Variants in TRIM55 observed in about 807,000 individuals in gnomAD.
TRIM55 encodes tripartite motif-containing protein 55.
Under a neutral mutation model 60.9 loss-of-function variants are expected in TRIM55, and 50 were observed. That is an observed-to-expected ratio of 0.82 (90% CI 0.65 to 1.04). TRIM55 has a LOEUF of 1.04. Among genes scored for constraint, TRIM55 ranks in the 50% least tolerant of loss-of-function variants. The pLI is 0.00. For missense variants in TRIM55, 681 were observed against 666.9 expected (o/e 1.02, Z -0.23); for synonymous variants, 237 against 238.1 (o/e 1.00, Z 0.04).
chr8:66,137,044 G>A, intron 3 of TRIM55, 51 bp from the exon 4 acceptor site: 1 of 1,474,342 alleles, frequency 6.8e-7, no homozygotes, highest in Non-Finnish European at 9.4e-7. Context: ...TTCACAGTCG[G>A]GGTGGCTAGG....
At chr8:66,132,989 C>T (rs1368166137) in intron 2 of TRIM55, among the ~76,000 whole-genome samples, 1 of 152,202 alleles carries the variant, frequency 6.6e-6, no homozygotes, top group African/African-American at 2.4e-5. Flanking sequence ...CTGGTCACAG[C>T]TGTTGATATC....
intron 9 of TRIM55, among the ~76,000 whole-genome samples, chr8:66,168,041 T>C (rs1022240990): frequency 1.3e-5 from 2 of 152,198 alleles, no homozygotes; most frequent in South Asian, 2.1e-4. Context: ...TGAGCCATCA[T>C]GCCTGGCCAA....
At chr8:66,115,246 T>C in the TRIM55 span, 1 of 152,226 alleles carries the variant, frequency 6.6e-6, no homozygotes, top group Non-Finnish European at 1.5e-5. Flanking sequence ...TACAACATGG[T>C]ATGGTTTATT....
At chr8:66,119,254 T>C in the TRIM55 span, among the ~76,000 whole-genome samples, 20 of 152,206 alleles carry the variant, frequency 1.3e-4, no homozygotes, top group Non-Finnish European at 2.8e-4. Context: ...CTTTCTACCT[T>C]AGAGGCTGAG....
At chr8:66,155,696 T>G (rs768219670) in intron 9 of TRIM55, 1 of 1,610,180 alleles carries the variant, frequency 6.2e-7, no homozygotes, top group Non-Finnish European at 8.5e-7. Flanking sequence ...CAGTGCTTGA[T>G]TTTTACTTTA....
chr8:66,162,168 T>G (rs1811090001), intron 9 of TRIM55, among the ~76,000 whole-genome samples: 1 of 152,040 alleles, frequency 6.6e-6, no homozygotes, highest in Non-Finnish European at 1.5e-5. Flanking sequence ...TGTAAATGGT[T>G]TTTTATTACC....
chr8:66,134,945 C>T lies in TRIM55; in HGVS notation c.342-45C>T, dbSNP rs62507442. 5.6e-6 allele frequency: 9 copies of T among 1,599,764 alleles called. No individual in the cohort carries two copies. In the East Asian group the frequency reaches 8.9e-5, roughly 16 times the overall value. ...CATCAGCTCTGCCTTGATGAGATTG[C>T]CCCAGTGAGAGCTGATGGACATTTA... On this transcript the variant is annotated intron_variant, in intron 2 of 9. Coordinates refer to ENST00000315962, the MANE Select transcript of TRIM55 (RefSeq NM_184085.2).
intron 9 of TRIM55, among the ~76,000 whole-genome samples, chr8:66,170,258 C>T (rs1811548549): frequency 6.6e-6 from 1 of 152,192 alleles, no homozygotes; most frequent in Non-Finnish European, 1.5e-5. Flanking sequence ...CCTTCCCCAG[C>T]CCCTGGTAAC....
In TRIM55 at chr8:66,149,825, G is replaced by T. The variant is rs751272504; in HGVS notation, c.784G>T (p.Val262Phe). 2 of 1,614,186 alleles carry T rather than the reference G, an allele frequency of 1.2e-6. No homozygotes were observed. Among genetic ancestry groups the T allele is most frequent in the South Asian group, 2.2e-5 (2 of 91,082 alleles). Residue 262 changes from valine to phenylalanine, a missense_variant, in exon 5 of 10, where the codon GTT becomes TTT. Transcript: ENST00000315962. ...SDHLENVSKL[V>F]ESGIQFMDEP... ...TCATTTGGAGAACGTCTCAAAGTTGGTTGAGTCAGGAATTCAGTTTATGGA... is the reference window on the plus strand; with the variant it reads ...TCATTTGGAGAACGTCTCAAAGTTGTTTGAGTCAGGAATTCAGTTTATGGA...
chr8:66,128,596 A>C, intron 2 of TRIM55, 120 bp downstream of exon 2: 2 of 1,146,634 alleles, frequency 1.7e-6, no homozygotes, highest in South Asian at 3.2e-5. Context: ...TTATGGAAAA[A>C]TGGTTTTCCA....
the TRIM55 span, among the ~76,000 whole-genome samples, chr8:66,120,168 A>G: frequency 2.6e-5 from 4 of 152,166 alleles, no homozygotes; most frequent in South Asian, 8.3e-4. Flanking sequence ...ATGGGTATTC[A>G]GTACATATTT....
At chr8:66,147,562 C>T (rs138630659) in intron 4 of TRIM55, among the ~76,000 whole-genome samples, 12,475 of 151,746 alleles carry the variant, frequency 0.082, 837 homozygotes, top group African/African-American at 0.18. Flanking sequence ...TTTGGGAGGC[C>T]GAGGCGGGTG....
intron 9 of TRIM55, among the ~76,000 whole-genome samples, chr8:66,158,731 TAG>T (rs766698196): frequency 7.2e-5 from 11 of 152,378 alleles, no homozygotes; most frequent in African/African-American, 2.6e-4. Flanking sequence ...CTCAGTGAGT[TAG>T]AGAGTCCATT....
chr8:66,158,053 T>A (rs1382192306), intron 9 of TRIM55, among the ~76,000 whole-genome samples: 1 of 151,888 alleles, frequency 6.6e-6, no homozygotes, highest in Non-Finnish European at 1.5e-5. Context: ...TTCTACAGGA[T>A]CTCTATTTGG....
At position 66,127,360 on chromosome 8, in the gene TRIM55, A is replaced by T; in HGVS notation, c.92A>T (p.Glu31Val). ...CAACTCATCTGTCCCATCTGCTTAGAGATGTTCACGAAACCTGTGGTGATT... is the reference window on the plus strand; with the variant it reads ...CAACTCATCTGTCCCATCTGCTTAGTGATGTTCACGAAACCTGTGGTGATT... ...EKQLICPICL[E>V]MFTKPVVILP... Residue 31 changes from glutamate (E) to valine (V), a missense_variant, in exon 1 of 10, where the codon GAG (glutamate) becomes GTG (valine). Transcript: ENST00000315962. 6.2e-7 allele frequency: 1 copy of T among 1,614,128 alleles called. No individual in the cohort carries two copies. Among genetic ancestry groups the T allele is most frequent in the Non-Finnish European group, 8.5e-7 (1 of 1,180,022 alleles).
intron 3 of TRIM55, 33 bp downstream of exon 3, chr8:66,135,188 C>A (rs1396181276): frequency 6.2e-7 from 1 of 1,612,214 alleles, no homozygotes; most frequent in Non-Finnish European, 8.5e-7. Context: ...CCCGCAACCC[C>A]TCCCCATCCC....
In TRIM55 at chr8:66,174,550, G is replaced by A. The variant is rs749269914; in HGVS notation, c.1604G>A (p.Arg535His). 1.9e-5 allele frequency: 31 copies of A among 1,608,452 alleles called. No individual in the cohort carries two copies. The highest frequency in any genetic ancestry group is 1.7e-4 in the Middle Eastern group (1 of 6,050). Residue 535 changes from arginine to histidine, a missense_variant, in exon 10 of 10, where the codon CGC becomes CAC. Transcript: ENST00000315962. ...SGSGADSEPA[R>H]HIFSFSWLNS... ...AGTGGAGCTGATTCTGAGCCAGCTC[G>A]CCATATCTTCTCCTTTTCCTGGTTG... is the stretch of plus-strand genomic sequence containing the variant.
chr8:66,154,709 C>T (rs1182693520), intron 9 of TRIM55, among the ~76,000 whole-genome samples: 2 of 152,208 alleles, frequency 1.3e-5, no homozygotes, highest in Non-Finnish European at 2.9e-5. Context: ...CTGTGTCCTC[C>T]TTGGGCTTCT....
chr8:66,154,181 A>C lies in TRIM55; in HGVS notation c.1371A>C (p.Pro457=). 1 of 1,614,054 alleles carries C rather than the reference A, an allele frequency of 6.2e-7. No individual in the cohort carries two copies. The highest frequency in any genetic ancestry group is 8.5e-7 in the Non-Finnish European group (1 of 1,179,996). The change falls in exon 9 of 10, where the codon CCA becomes CCC. Residue 457 remains proline (P), a synonymous_variant. Coordinates refer to ENST00000315962, the MANE Select transcript of TRIM55 (RefSeq NM_184085.2). ...AAACCCGGAAAGCCACCACCAACCC[A>C]CCTTGCACCCCAGGGAGCGAAGGTC... The part of the protein sequence containing the change: ...KGQTRKATTN[P]PCTPGSEGLG...
Sources: gnomAD v4.1 joint callset for allele counts (sites outside exome capture counted in the v4.1 genomes callset) on GRCh38, gnomAD v4.1.1 for gene constraint, MANE v1.5 for transcripts, NCBI Gene and HGNC (gene_info 2026-07-23, HGNC 2026-07-21) for gene names.